Variants in MIOS observed in about 807,000 individuals in gnomAD.
MIOS encodes the protein GATOR2 complex protein MIOS.
A neutral mutation model predicts 96.9 loss-of-function variants in MIOS; 52 were observed. The observed-to-expected ratio is 0.54, with a 90% CI of 0.43 to 0.68. The LOEUF (loss-of-function observed/expected upper bound fraction) is 0.68, where lower values mean the gene tolerates loss of function less well. Among genes scored for constraint, MIOS ranks in the 30% least tolerant of loss-of-function variants. The pLI is 0.00. For synonymous variants in MIOS, 397 were observed against 359.5 expected (o/e 1.10, Z -1.18); for missense variants, 1,005 against 1,052.8 (o/e 0.95, Z 0.63).
At chr7:7,583,985 AC>A (rs1423315667) in intron 6 of MIOS, among the ~76,000 whole-genome samples, 12 of 152,140 alleles carry the variant, frequency 7.9e-5, no homozygotes, top group African/African-American at 2.9e-4. Context: ...CTAATACAAA[AC>A]CTCAGGGGTT....
At position 7,594,900 on chromosome 7, in the gene MIOS, C is replaced by T. The variant is rs538895886; in HGVS notation, c.2044-80C>T. 37 of 881,504 alleles carry T rather than the reference C, an allele frequency of 4.2e-5. No homozygotes were observed. The East Asian group carries it at 1.0e-3, about 25-fold the overall frequency. 54.6% of individuals were successfully genotyped at this position (881,504 alleles called of 1,614,324 possible). ...AAAGGCCTATTTCTTCTGTGTTACT[C>T]ATACTTACATGCTACCCAGAAGTCT... On this transcript the variant is annotated intron_variant, in intron 9 of 12. Coordinates refer to ENST00000340080, the MANE Select transcript of MIOS (RefSeq NM_019005.4).
intron 9 of MIOS, among the ~76,000 whole-genome samples, chr7:7,592,435 C>T (rs1784075505): frequency 6.6e-6 from 1 of 152,024 alleles, no homozygotes; most frequent in Non-Finnish European, 1.5e-5. Context: ...ACCTTTTTGC[C>T]CCAGGGACTT....
chr7:7,568,555 A>G (rs1783234314), intron 3 of MIOS, among the ~76,000 whole-genome samples: 3 of 152,250 alleles, frequency 2.0e-5, no homozygotes, highest in Non-Finnish European at 4.4e-5. Flanking sequence ...ATGATGTGCA[A>G]CCTGTGCAGT....
chr7:7,594,643 T>G (rs1359500426), intron 9 of MIOS, among the ~76,000 whole-genome samples: 1 of 151,856 alleles, frequency 6.6e-6, no homozygotes, highest in Non-Finnish European at 1.5e-5. Context: ...AACCCAGAGG[T>G]TTTTAATTGC....
rs1317187255 is a variant in MIOS at position 7,596,358 on chromosome 7, A to C, written c.2298A>C (p.Ser766=). 6.2e-7 allele frequency: 1 copy of C among 1,614,052 alleles called. No individual in the cohort carries two copies. The highest frequency in any genetic ancestry group is 1.3e-5 in the African/African-American group (1 of 74,920). The change falls in exon 11 of 13, where the codon TCA becomes TCC. Residue 766 remains serine (S), a synonymous_variant. Coordinates refer to ENST00000340080, the MANE Select transcript of MIOS (RefSeq NM_019005.4). ...RGFSQYGVSG[S]PTKSKVTSCP... ...TTAGTCAGTATGGTGTGAGTGGCTC[A>C]CCAACGAAATCTAAAGTCACAAGTT... is the stretch of plus-strand genomic sequence containing the variant.
intron 11 of MIOS, among the ~76,000 whole-genome samples, chr7:7,597,473 T>TATATAA (rs1784238926): frequency 1.4e-3 from 9 of 6,302 alleles, no homozygotes; most frequent in South Asian, 3.6e-3. Context: ...TAAATTTATA[T>TATATAA]ATATATATAT....
chr7:7,574,530 A>G (rs1442391513), intron 5 of MIOS, among the ~76,000 whole-genome samples: 1 of 152,138 alleles, frequency 6.6e-6, no homozygotes. Context: ...TTCAGGTTTT[A>G]TCGCAACATT....
intron 11 of MIOS, among the ~76,000 whole-genome samples, chr7:7,604,640 G>C (rs972316415): frequency 6.6e-6 from 1 of 151,980 alleles, no homozygotes; most frequent in Non-Finnish European, 1.5e-5. Flanking sequence ...CTCTAGTTTC[G>C]CCTAAAGTGT....
At position 7,607,138 on chromosome 7, in the gene MIOS, T is replaced by C. The variant is rs753307952; in HGVS notation, c.*46T>C. Reference sequence around the variant, plus strand: ...ACCCTTCAAGTGTGGAGCTTTCTAGTAGGTGTCCTTCATAGCTCAGAAACA... The same window carrying C: ...ACCCTTCAAGTGTGGAGCTTTCTAGCAGGTGTCCTTCATAGCTCAGAAACA... On this transcript the variant is annotated 3_prime_UTR_variant, in exon 13 of 13. Coordinates refer to ENST00000340080, the MANE Select transcript of MIOS (RefSeq NM_019005.4). The C allele has an allele frequency of 8.3e-6, 12 of 1,447,418 alleles. No individual in the cohort carries two copies. Among genetic ancestry groups the C allele is most frequent in the Non-Finnish European group, 1.1e-5 (12 of 1,045,768 alleles). 89.7% of individuals were successfully genotyped at this position (1,447,418 alleles called of 1,614,324 possible).
In MIOS at chr7:7,585,796, T is replaced by C. The variant is rs1783870069; in HGVS notation, c.1809T>C (p.Asp603=). 1.2e-6 allele frequency: 2 copies of C among 1,605,340 alleles called. No homozygotes were observed. The highest frequency in any genetic ancestry group is 1.7e-6 in the Non-Finnish European group (2 of 1,176,650). The change falls in exon 7 of 13, where the codon GAT becomes GAC. Residue 603 remains aspartate (D), a synonymous_variant. Coordinates refer to ENST00000340080, the MANE Select transcript of MIOS (RefSeq NM_019005.4). The part of the protein sequence containing the change: ...AFLTSETGSY[D]GVLYENKVAV... ...TGACAAGTGAAACAGGATCTTACGA[T>C]GGAGTTTTGGTAAGCTAACTTGTTT... is the stretch of plus-strand genomic sequence containing the variant.
chr7:7,569,045 G>A (rs1477698022), intron 3 of MIOS, among the ~76,000 whole-genome samples: 3 of 152,128 alleles, frequency 2.0e-5, no homozygotes, highest in African/African-American at 4.8e-5. Context: ...ATAAAGAGTC[G>A]GGTTGTGGAA....
At chr7:7,604,543 T>G (rs1306886933) in intron 11 of MIOS, among the ~76,000 whole-genome samples, 3 of 152,338 alleles carry the variant, frequency 2.0e-5, no homozygotes, top group Non-Finnish European at 1.5e-5. Flanking sequence ...ATTTAACTTC[T>G]GGACAATGAC....
chr7:7,591,703 G>A (rs944251253), intron 9 of MIOS, among the ~76,000 whole-genome samples: 4 of 151,946 alleles, frequency 2.6e-5, no homozygotes, highest in African/African-American at 9.7e-5. Flanking sequence ...CTTTACCTTT[G>A]ATTTTTCAGT....
intron 5 of MIOS, among the ~76,000 whole-genome samples, chr7:7,576,907 A>G (rs946501447): frequency 6.6e-6 from 1 of 152,202 alleles, no homozygotes; most frequent in African/African-American, 2.4e-5. Flanking sequence ...GGTAGCACAC[A>G]TATATTTAGT....
At chr7:7,604,883 A>G (rs1784481977) in intron 11 of MIOS, among the ~76,000 whole-genome samples, 2 of 151,850 alleles carry the variant, frequency 1.3e-5, no homozygotes, top group African/African-American at 2.4e-5. Context: ...AGTAGTGTAC[A>G]TATCAGATCT....
chr7:7,578,213 T>C (rs545990890), intron 5 of MIOS, among the ~76,000 whole-genome samples: 3 of 152,158 alleles, frequency 2.0e-5, no homozygotes, highest in Non-Finnish European at 4.4e-5. Flanking sequence ...GCTAAGTGCT[T>C]AGATCAACCA....
At chr7:7,606,206 A>AT in intron 12 of MIOS, 135 bp downstream of exon 12, 1 of 1,177,906 alleles carries the variant, frequency 8.5e-7, no homozygotes, top group Non-Finnish European at 1.2e-6. Flanking sequence ...TCATGTTAAC[A>AT]AAGGTGGTGT....
intron 11 of MIOS, chr7:7,605,344 G>A (rs1351125106): frequency 6.6e-6 from 1 of 151,310 alleles, no homozygotes; most frequent in Admixed American, 6.6e-5. Context: ...ACCCAGCCTG[G>A]AGTGCAGCAG....
At position 7,607,217 on chromosome 7, in the gene MIOS, T is replaced by C; in HGVS notation, c.*125T>C. The stretch of plus-strand genomic sequence containing the variant: ...CCTGTAATGGGAAAATAAATCATTC[T>C]ATCAGATCAGCAGTTTTGATGTTTG... On this transcript the variant is annotated 3_prime_UTR_variant, in exon 13 of 13. Coordinates refer to ENST00000340080, the MANE Select transcript of MIOS (RefSeq NM_019005.4). The C allele has an allele frequency of 6.1e-6, 4 of 652,396 alleles. No homozygotes were observed. Among genetic ancestry groups the C allele is most frequent in the Non-Finnish European group, 1.0e-5 (4 of 393,254 alleles). 40.4% of individuals were successfully genotyped at this position (652,396 alleles called of 1,614,324 possible).
Sources: allele counts gnomAD v4.1 joint callset (sites outside exome capture counted in the v4.1 genomes callset), GRCh38; gene constraint gnomAD v4.1.1; transcripts MANE v1.5; gene names NCBI Gene and HGNC (gene_info 2026-07-23, HGNC 2026-07-21).